The following PCNX2 variants were observed in gnomAD, a reference collection of about 807,000 sequenced individuals.
The protein encoded by PCNX2 is pecanex 2, also known as pecanex-like protein 2.
Under a neutral mutation model 223.8 loss-of-function variants are expected in PCNX2, and 168 were observed. The observed-to-expected ratio is 0.75, with a 90% CI of 0.66 to 0.85. The LOEUF is 0.85. PCNX2 is among the 40% of genes least tolerant of loss of function. The pLI, the probability that PCNX2 is intolerant of heterozygous loss-of-function variation, is 0.00. For synonymous variants in PCNX2, 1,006 were observed against 1,052.6 expected (o/e 0.96, Z 0.86); for missense variants, 2,507 against 2,675.5 (o/e 0.94, Z 1.39).
chr1:233,064,070 CT>C (rs1227200285), intron 23 of PCNX2, among the ~76,000 whole-genome samples: 2 of 150,982 alleles, frequency 1.3e-5, no homozygotes, highest in Non-Finnish European at 3.0e-5. Context: ...CTTTACTTAT[CT>C]TTAGTTTTGG....
intron 21 of PCNX2, among the ~76,000 whole-genome samples, chr1:233,122,260 C>A (rs1176574837): frequency 6.6e-6 from 1 of 151,974 alleles, no homozygotes; most frequent in Non-Finnish European, 1.5e-5. Flanking sequence ...AATATCTGAG[C>A]CCATACTGAT....
chr1:233,229,095 T>A (rs570798080), intron 9 of PCNX2, among the ~76,000 whole-genome samples: 8 of 152,270 alleles, frequency 5.3e-5, no homozygotes, highest in African/African-American at 1.9e-4. Context: ...TTTTCCTAAC[T>A]TAGGAGAAGT....
chr1:233,037,502 TTTTC>T (rs149916555), intron 25 of PCNX2, among the ~76,000 whole-genome samples: 9 of 150,842 alleles, frequency 6.0e-5, no homozygotes, highest in African/African-American at 1.5e-4. Flanking sequence ...ACCTGATTGA[TTTTC>T]TTTCTTTCTT....
chr1:233,193,963 GA>G (rs1680567662), intron 15 of PCNX2, among the ~76,000 whole-genome samples: 1 of 151,118 alleles, frequency 6.6e-6, no homozygotes. Flanking sequence ...GGCCCAAGAA[GA>G]AAAGAAAAAC....
At chr1:233,234,850 G>T (rs977710605) in intron 9 of PCNX2, among the ~76,000 whole-genome samples, 2 of 152,152 alleles carry the variant, frequency 1.3e-5, no homozygotes, top group Admixed American at 6.5e-5. Flanking sequence ...GTATTCCACA[G>T]GGCCCCCACA....
intron 23 of PCNX2, among the ~76,000 whole-genome samples, chr1:233,075,941 T>C (rs1331768630): frequency 6.6e-6 from 1 of 152,198 alleles, no homozygotes; most frequent in African/African-American, 2.4e-5. Flanking sequence ...TGGAAAGTCA[T>C]AAATATTTAG....
the PCNX2 span, among the ~76,000 whole-genome samples, chr1:233,318,563 C>CTTTTTTTTTTTTTT: frequency 1.2e-3 from 107 of 92,498 alleles, no homozygotes; most frequent in East Asian, 1.7e-3. Context: ...TTTTCTTTTT[C>CTTTTTTTTTTTTTT]TTTTTTTTTT....
At chr1:233,054,185 C>T in intron 25 of PCNX2, 83 bp downstream of exon 25, 1 of 1,288,820 alleles carries the variant, frequency 7.8e-7, no homozygotes, top group Non-Finnish European at 1.1e-6. Context: ...TCCTGTTTAA[C>T]AGTGACTTCT....
chr1:233,119,139 T>C (rs1172352617), intron 21 of PCNX2, among the ~76,000 whole-genome samples: 1 of 151,858 alleles, frequency 6.6e-6, no homozygotes, highest in African/African-American at 2.4e-5. Context: ...GCTGGAATAA[T>C]TAGATATAAA....
chr1:233,230,984 T>G lies in PCNX2; in HGVS notation c.2359-3613A>C, dbSNP rs191538210. ...GTTCCAGATAACAAATAAGATTTTT[T>G]GATGATATTAGTAATTGCCACCAAC... On this transcript the variant is annotated intron_variant, in intron 9 of 33. Transcript: ENST00000258229. Among the ~76,000 whole-genome samples the G allele has an allele frequency of 1.3e-3, 196 of 152,344 alleles. 1 individual carries two copies. The highest frequency in any genetic ancestry group is 2.4e-3 in the Non-Finnish European group (160 of 68,028).
chr1:233,221,010 T>A (rs545182966), intron 10 of PCNX2, among the ~76,000 whole-genome samples: 9 of 152,182 alleles, frequency 5.9e-5, no homozygotes, highest in African/African-American at 2.2e-4. Flanking sequence ...GGCATAGCCT[T>A]GGGCCTCCTA....
intron 26 of PCNX2, chr1:233,018,781 G>A: frequency 1.0e-6 from 1 of 985,422 alleles, no homozygotes; most frequent in African/African-American, 1.7e-5. Flanking sequence ...GAAATCATGA[G>A]GGGCTGGAGG....
intron 1 of PCNX2, chr1:233,293,834 G>T: frequency 4.1e-6 from 2 of 483,740 alleles, no homozygotes; most frequent in Non-Finnish European, 5.4e-6. Flanking sequence ...ATTAGGTCTA[G>T]TGAGCAGCAG....
At chr1:232,984,507 AG>A (rs780485275) in intron 33 of PCNX2, 30 bp from the exon 34 acceptor site, 69 of 1,601,456 alleles carry the variant, frequency 4.3e-5, no homozygotes, top group Non-Finnish European at 5.9e-5. Context: ...AACAGTGAAC[AG>A]CTCAGCAAAC....
intron 21 of PCNX2, among the ~76,000 whole-genome samples, chr1:233,119,355 TAA>T (rs1408748037): frequency 8.3e-6 from 1 of 120,696 alleles, no homozygotes; most frequent in Non-Finnish European, 1.6e-5. Context: ...GTCAGGAGAT[TAA>T]GACCATCCTG....
Position 233,258,190 on chromosome 1 carries a change from T to C in PCNX2, c.1672A>G (p.Thr558Ala). 6.2e-7 allele frequency: 1 copy of C among 1,613,992 alleles called. No individual in the cohort carries two copies. The highest frequency in any genetic ancestry group is 8.5e-7 in the Non-Finnish European group (1 of 1,179,888). The change falls in exon 5 of 34, where the codon ACT (threonine) becomes GCT (alanine). Residue 558 changes from threonine to alanine, a missense_variant. Transcript: ENST00000258229. Reference sequence around the variant, plus strand: ...TTAGCCTCTAGGTCAGATTTGGAAGTTGGCATTGTTTTCTCTGTATCGTTA... The same window carrying C: ...TTAGCCTCTAGGTCAGATTTGGAAGCTGGCATTGTTTTCTCTGTATCGTTA... ...IVNDTEKTMP[T>A]SKSDLEAKEG...
Position 233,092,941 on chromosome 1 carries a change from G to A in PCNX2, c.3947-2751C>T, listed in dbSNP as rs549340447. Reference sequence around the variant, plus strand: ...AGCCTCCCCAGTAGCTGGGTACACAGGCGCCCACTACCATGCCCGGCTAAT... The same window carrying A: ...AGCCTCCCCAGTAGCTGGGTACACAAGCGCCCACTACCATGCCCGGCTAAT... On this transcript the variant is annotated intron_variant, in intron 22 of 33. Transcript: ENST00000258229. 4.1e-4 allele frequency among the ~76,000 whole-genome samples: 62 copies of A among 152,242 alleles called. 1 individual carries two copies. The South Asian group carries it at 0.012, about 30-fold the overall frequency.
At chr1:233,014,837 G>T (rs2102816950) in intron 27 of PCNX2, 60 bp from the exon 28 acceptor site, 1 of 1,350,548 alleles carries the variant, frequency 7.4e-7, no homozygotes, top group Non-Finnish European at 1.1e-6. Flanking sequence ...CCAACACACA[G>T]GCATAAATGT....
chr1:233,263,282 A>C, intron 1 of PCNX2, 119 bp from the exon 2 acceptor site: 1 of 880,302 alleles, frequency 1.1e-6, no homozygotes, highest in Non-Finnish European at 1.6e-6. Flanking sequence ...TTCAAATTAG[A>C]CTAATTTTTT....
Sources: allele counts gnomAD v4.1 joint callset (sites outside exome capture counted in the v4.1 genomes callset), GRCh38; gene constraint gnomAD v4.1.1; transcripts MANE v1.5; gene names NCBI Gene and HGNC (gene_info 2026-07-23, HGNC 2026-07-21).